ARNT2: variants seen among roughly 807,000 people sequenced by gnomAD.
The protein encoded by ARNT2 is ARNT protein 2.
ARNT2 carries 36 observed loss-of-function variants against 91.7 expected under a neutral mutation model. The observed-to-expected ratio is 0.39, with a 90% CI of 0.30 to 0.52. The LOEUF (loss-of-function observed/expected upper bound fraction) is 0.52. ARNT2 is among the 20% of genes least tolerant of loss of function. The probability of loss-of-function intolerance (pLI) is 0.72; values close to 1 mark genes in which losing one functional copy is unlikely to be tolerated. For missense variants in ARNT2, 775 were observed against 939.3 expected (o/e 0.83, Z 2.29); for synonymous variants, 365 against 347.1 (o/e 1.05, Z -0.57).
chr15:80,509,699 CA>C (rs1452127385), intron 6 of ARNT2, among the ~76,000 whole-genome samples: 1 of 151,970 alleles, frequency 6.6e-6, no homozygotes, highest in Non-Finnish European at 1.5e-5. Flanking sequence ...GACTTTTGAG[CA>C]GAGACCTAAA....
chr15:80,482,101 G>C (rs1222738793), intron 5 of ARNT2, among the ~76,000 whole-genome samples: 1 of 152,176 alleles, frequency 6.6e-6, no homozygotes, highest in Non-Finnish European at 1.5e-5. Flanking sequence ...GTAGAGATGA[G>C]GTCTTGCCAT....
chr15:80,503,886 C>T (rs1291714507), intron 5 of ARNT2, among the ~76,000 whole-genome samples: 1 of 152,208 alleles, frequency 6.6e-6, no homozygotes, highest in Non-Finnish European at 1.5e-5. Context: ...TGTAGAGCGC[C>T]ATGCAGTCTG....
chr15:80,413,924 TAAAA>T (rs1293096933), intron 1 of ARNT2, among the ~76,000 whole-genome samples: 1 of 152,114 alleles, frequency 6.6e-6, no homozygotes, highest in Non-Finnish European at 1.5e-5. Flanking sequence ...TAACAGCAGT[TAAAA>T]AAGCCACTGA....
intron 4 of ARNT2, among the ~76,000 whole-genome samples, chr15:80,474,630 T>C (rs971204973): frequency 2.6e-5 from 4 of 152,172 alleles, no homozygotes; most frequent in Admixed American, 2.6e-4. Context: ...TGCCAAGCAC[T>C]ATGTGTTGGG....
chr15:80,585,550 G>A (rs1898880774), intron 17 of ARNT2, among the ~76,000 whole-genome samples: 1 of 152,174 alleles, frequency 6.6e-6, no homozygotes, highest in African/African-American at 2.4e-5. Flanking sequence ...AAAACCTGAG[G>A]TTCAGCCCTT....
chr15:80,540,602 A>G (rs552156401), intron 8 of ARNT2, among the ~76,000 whole-genome samples: 113 of 152,276 alleles, frequency 7.4e-4, no homozygotes, highest in African/African-American at 2.4e-3. Context: ...CATCACTTAC[A>G]TAGTGAGTAT....
rs181283620 is a variant in ARNT2 at position 80,478,169 on chromosome 15, G to C, written c.622+2946G>C. ...AAAACCAACCAACCAGGAAATGTTG[G>C]TTTGACAGCTGAAATCACCTTCTCT... On this transcript the variant is annotated intron_variant, in intron 5 of 18. Coordinates refer to ENST00000303329, the MANE Select transcript of ARNT2 (RefSeq NM_014862.4). Among the ~76,000 whole-genome samples the C allele has an allele frequency of 3.6e-4, 55 of 152,334 alleles. 1 individual carries two copies. The highest frequency in any genetic ancestry group is 1.2e-3 in the African/African-American group (49 of 41,592).
chr15:80,580,263 A>G (rs1462820503), intron 15 of ARNT2, 148 bp from the exon 16 acceptor site: 2 of 1,054,816 alleles, frequency 1.9e-6, no homozygotes, highest in Non-Finnish European at 2.9e-6. Flanking sequence ...TTTGAGGCTC[A>G]CGATGTGTGA....
chr15:80,410,532 G>T (rs1420571259), intron 1 of ARNT2, among the ~76,000 whole-genome samples: 1 of 152,166 alleles, frequency 6.6e-6, no homozygotes, highest in Non-Finnish European at 1.5e-5. Flanking sequence ...GGCTGGAGAA[G>T]GAAACAAAGA....
At chr15:80,442,921 T>A in intron 1 of ARNT2, 1 of 985,490 alleles carries the variant, frequency 1.0e-6, no homozygotes, top group African/African-American at 1.7e-5. Context: ...GGCAGTGACA[T>A]CATCTCTTTC....
chr15:80,489,072 CT>C (rs537193327), intron 5 of ARNT2, among the ~76,000 whole-genome samples: 198 of 152,326 alleles, frequency 1.3e-3, no homozygotes, highest in African/African-American at 4.4e-3. Flanking sequence ...ATCATTGCTT[CT>C]TGCTGGTATG....
intron 3 of ARNT2, among the ~76,000 whole-genome samples, chr15:80,464,031 G>T (rs188335129): frequency 6.6e-6 from 1 of 152,298 alleles, no homozygotes; most frequent in African/African-American, 2.4e-5. Context: ...GAGTTTTTTG[G>T]AGAGAGAGGA....
intron 12 of ARNT2, among the ~76,000 whole-genome samples, chr15:80,564,577 A>G (rs932163209): frequency 6.6e-6 from 1 of 152,010 alleles, no homozygotes; most frequent in African/African-American, 2.4e-5. Context: ...GGTTTGTTAC[A>G]TGGATATATT....
At chr15:80,578,717 C>T (rs779952021) in intron 15 of ARNT2, among the ~76,000 whole-genome samples, 29 of 151,902 alleles carry the variant, frequency 1.9e-4, no homozygotes, top group African/African-American at 4.1e-4. Flanking sequence ...ATCCAAGGAA[C>T]GTCCGAACAC....
intron 5 of ARNT2, among the ~76,000 whole-genome samples, chr15:80,490,002 A>T (rs1219567566): frequency 6.6e-6 from 1 of 152,030 alleles, no homozygotes; most frequent in East Asian, 1.9e-4. Flanking sequence ...AATGCTTGTC[A>T]TCTTTTTTTT....
At chr15:80,450,859 C>G in intron 1 of ARNT2, 21 bp from the exon 2 acceptor site, 5 of 1,612,842 alleles carry the variant, frequency 3.1e-6, no homozygotes, top group Non-Finnish European at 4.2e-6. Flanking sequence ...GACAAAACCT[C>G]TTGTCTTTGC....
At chr15:80,592,936 C>T (rs1396137847) in intron 18 of ARNT2, among the ~76,000 whole-genome samples, 1 of 152,172 alleles carries the variant, frequency 6.6e-6, no homozygotes, top group East Asian at 1.9e-4. Flanking sequence ...GACTGGATTT[C>T]TAGGAGGTAG....
At chr15:80,418,416 C>T (rs1232502694) in intron 1 of ARNT2, among the ~76,000 whole-genome samples, 2 of 152,220 alleles carry the variant, frequency 1.3e-5, no homozygotes, top group Non-Finnish European at 2.9e-5. Context: ...CCTCCTGTCC[C>T]TGTTGTGCTG....
intron 3 of ARNT2, among the ~76,000 whole-genome samples, chr15:80,458,992 C>T (rs548563641): frequency 5.3e-5 from 8 of 152,134 alleles, no homozygotes; most frequent in Non-Finnish European, 1.0e-4. Context: ...TAGTTTTCTC[C>T]CCTCATGGTA....
Sources: allele counts gnomAD v4.1 joint callset (sites outside exome capture counted in the v4.1 genomes callset), GRCh38; gene constraint gnomAD v4.1.1; transcripts MANE v1.5; gene names NCBI Gene and HGNC (gene_info 2026-07-23, HGNC 2026-07-21).